Variants in PUM2 observed in about 807,000 individuals in gnomAD.
The protein encoded by PUM2 is pumilio RNA binding family member 2.
In PUM2, 57 loss-of-function variants were observed where a neutral mutation model predicts 124.5. That is an observed-to-expected ratio of 0.46 (90% CI 0.37 to 0.57). The LOEUF (loss-of-function observed/expected upper bound fraction) is 0.57, where lower values mean the gene tolerates loss of function less well. Among genes scored for constraint, PUM2 ranks in the 20% least tolerant of loss-of-function variants. The probability of loss-of-function intolerance (pLI) is 0.00; values close to 1 mark genes in which losing one functional copy is unlikely to be tolerated. For missense variants in PUM2, 1,065 were observed against 1,290.6 expected, an observed-to-expected ratio of 0.83 and a Z score of 2.68; for synonymous variants, 460 against 446.1, an observed-to-expected ratio of 1.03 and a Z score of -0.39.
At position 20,284,594 on chromosome 2, in the gene PUM2, G is replaced by A. The variant is rs907220018; in HGVS notation, c.1292-1108C>T. On this transcript the variant is annotated intron_variant, in intron 10 of 20. Coordinates refer to ENST00000361078, the MANE Select transcript of PUM2 (RefSeq NM_015317.5). ...CCTAGTCTTTAACTCCTGGGCCAGC[G>A]ATCCTCCCGCCTCAGCCTCCCAACT... is the stretch of plus-strand genomic sequence containing the variant. Among the ~76,000 whole-genome samples the A allele has an allele frequency of 5.3e-5, 8 of 152,120 alleles. No homozygotes were observed. The East Asian group carries it at 7.7e-4, about 15-fold the overall frequency.
chr2:20,249,725 G>A lies in PUM2; in HGVS notation c.*1860C>T, dbSNP rs1417294374. Reference sequence around the variant, plus strand: ...CTGACAGAATAGCATGTTCATTTTAGTTTTCAGCACTGAACATAAGTGGGT... The same window carrying A: ...CTGACAGAATAGCATGTTCATTTTAATTTTCAGCACTGAACATAAGTGGGT... On this transcript the variant is annotated 3_prime_UTR_variant, in exon 21 of 21. Coordinates refer to ENST00000361078, the MANE Select transcript of PUM2 (RefSeq NM_015317.5). 2 of 152,588 alleles carry A rather than the reference G, an allele frequency of 1.3e-5. No individual in the cohort carries two copies. The highest frequency in any genetic ancestry group is 2.4e-5 in the African/African-American group (1 of 41,434). The allele number at this position is 152,588 out of a possible 1,614,324, so 9.5% of individuals were successfully genotyped here.
intron 9 of PUM2, among the ~76,000 whole-genome samples, chr2:20,293,835 G>A (rs1432042876): frequency 1.3e-5 from 2 of 152,040 alleles, no homozygotes; most frequent in African/African-American, 4.8e-5. Flanking sequence ...TCAGAATTCT[G>A]TTATTTATTA....
rs976528132 is a variant in PUM2 at position 20,339,651 on chromosome 2, G to A, written c.-19+10946C>T. On this transcript the variant is annotated intron_variant, in intron 1 of 20. Transcript: ENST00000361078. ...GCCCAGCACTTTGGGAGGCCGAGGCGGGTGGACCACCTGAGGTCAGGAGTT... is the reference window on the plus strand; with the variant it reads ...GCCCAGCACTTTGGGAGGCCGAGGCAGGTGGACCACCTGAGGTCAGGAGTT... 3.3e-5 allele frequency among the ~76,000 whole-genome samples: 5 copies of A among 152,128 alleles called. No homozygotes were observed. The East Asian group carries it at 7.7e-4, about 23-fold the overall frequency.
At chr2:20,283,662 A>C (rs1672076315) in intron 10 of PUM2, among the ~76,000 whole-genome samples, 176 bp from the exon 11 acceptor site, 1 of 152,248 alleles carries the variant, frequency 6.6e-6, no homozygotes, top group Admixed American at 6.5e-5. Context: ...TAAATATATG[A>C]AAAAGTAATA....
intron 8 of PUM2, 135 bp from the exon 9 acceptor site, chr2:20,294,653 A>G (rs1369343150): frequency 1.9e-6 from 2 of 1,059,896 alleles, no homozygotes; most frequent in Non-Finnish European, 2.6e-6. Flanking sequence ...AATAAAAGAC[A>G]AAGTATTGAT....
At chr2:20,314,259 G>A (rs1042825333) in intron 3 of PUM2, among the ~76,000 whole-genome samples, 2 of 151,928 alleles carry the variant, frequency 1.3e-5, no homozygotes, top group African/African-American at 4.8e-5. Context: ...CGACTATAAC[G>A]CTATAATCAC....
Position 20,312,334 on chromosome 2 carries a change from G to T in PUM2, c.250C>A (p.Arg84=). ...NSEVNAILSP[R]SESGGLGVSM... Reference sequence around the variant, plus strand: ...ACACCAAGGCCTCCACTTTCTGATCGCGGAGACAGTATTGCATTTACTTCA... The same window carrying T: ...ACACCAAGGCCTCCACTTTCTGATCTCGGAGACAGTATTGCATTTACTTCA... The change falls in exon 4 of 21, where the codon CGA becomes AGA. Residue 84 remains arginine (R), a synonymous_variant. Coordinates refer to ENST00000361078, the MANE Select transcript of PUM2 (RefSeq NM_015317.5). 1 of 1,613,222 alleles carries T rather than the reference G, an allele frequency of 6.2e-7. No homozygotes were observed. The highest frequency in any genetic ancestry group is 8.5e-7 in the Non-Finnish European group (1 of 1,179,354).
intron 7 of PUM2, among the ~76,000 whole-genome samples, chr2:20,301,062 A>G (rs888828074): frequency 6.6e-6 from 1 of 152,224 alleles, no homozygotes; most frequent in Non-Finnish European, 1.5e-5. Context: ...CAGTTGTCCC[A>G]TATTTCCGGA....
At chr2:20,257,487 A>C (rs192508377) in intron 16 of PUM2, among the ~76,000 whole-genome samples, 20 of 152,292 alleles carry the variant, frequency 1.3e-4, no homozygotes, top group African/African-American at 4.6e-4. Flanking sequence ...GTAATACATA[A>C]ATCATGTAGT....
intron 10 of PUM2, among the ~76,000 whole-genome samples, chr2:20,284,931 A>C (rs1378920334): frequency 6.6e-6 from 1 of 152,216 alleles, no homozygotes; most frequent in Non-Finnish European, 1.5e-5. Flanking sequence ...ATTACTAGTA[A>C]ATTTCAAACT....
At chr2:20,325,537 A>G (rs1683457275) in intron 2 of PUM2, among the ~76,000 whole-genome samples, 2 of 152,172 alleles carry the variant, frequency 1.3e-5, no homozygotes, top group South Asian at 4.1e-4. Context: ...GAGTGAAAAA[A>G]CACCAGTTTG....
At chr2:20,256,498 A>C (rs1664792249) in intron 16 of PUM2, among the ~76,000 whole-genome samples, 1 of 152,216 alleles carries the variant, frequency 6.6e-6, no homozygotes, top group Non-Finnish European at 1.5e-5. Flanking sequence ...TTCACTGTGT[A>C]AATCATCCGC....
In PUM2 at chr2:20,311,578, T is replaced by G. The variant is rs764989548; in HGVS notation, c.434A>C (p.Asp145Ala). 6 of 1,613,446 alleles carry G rather than the reference T, an allele frequency of 3.7e-6. No individual in the cohort carries two copies. The African/African-American group carries it at 5.3e-5, about 14-fold the overall frequency. ...ATCATCATCATCTCCTTGTTTAAGA[T>G]CTCTGTTTTGGTCCTCCTCAAATGG... The part of the protein sequence containing the change: ...ASPFEEDQNR[D>A]LKQGDDDDSK... The change falls in exon 5 of 21, where the codon GAT becomes GCT. Residue 145 changes from aspartate to alanine, a missense_variant. Coordinates refer to ENST00000361078, the MANE Select transcript of PUM2 (RefSeq NM_015317.5).
At position 20,281,557 on chromosome 2, in the gene PUM2, T is replaced by A. The variant is rs143141449; in HGVS notation, c.1720+1390A>T. Among the ~76,000 whole-genome samples, 1,164 of 152,316 alleles carry A rather than the reference T, an allele frequency of 7.6e-3. 10 individuals carry two copies. The highest frequency in any genetic ancestry group is 0.027 in the African/African-American group (1,114 of 41,570). ...GTTTGTTTTTTATGTTACTTGTTCT[T>A]CCAGTTTTCCTCAGAATATTTAGGA... On this transcript the variant is annotated intron_variant, in intron 12 of 20. Transcript: ENST00000361078.
intron 1 of PUM2, among the ~76,000 whole-genome samples, chr2:20,335,034 C>G (rs1306018708): frequency 1.3e-5 from 2 of 152,138 alleles, no homozygotes; most frequent in African/African-American, 2.4e-5. Flanking sequence ...TGCATCCTCT[C>G]ACCTCAGTCT....
chr2:20,333,548 C>G (rs1459384501), intron 1 of PUM2, among the ~76,000 whole-genome samples: 3 of 151,824 alleles, frequency 2.0e-5, no homozygotes, highest in African/African-American at 7.3e-5. Flanking sequence ...AAACAAAAGC[C>G]AAAAAATTGA....
Position 20,260,451 on chromosome 2 carries a change from T to C in PUM2, c.2241A>G (p.Lys747=), listed in dbSNP as rs1006539683. The change falls in exon 15 of 21, where the codon AAA becomes AAG. Residue 747 remains lysine, a synonymous_variant. Transcript: ENST00000361078. ...GCTCAGCTGGAGTAGCTCTCTCTAG[T>C]TTTTGCTGTATGAATCTACATAGGG... ...DQHGSRFIQQ[K]LERATPAERQ... is the part of the protein sequence containing the mutation. 6.2e-7 allele frequency: 1 copy of C among 1,608,888 alleles called. No homozygotes were observed.
intron 13 of PUM2, among the ~76,000 whole-genome samples, chr2:20,273,977 A>G (rs1040832305): frequency 2.6e-5 from 4 of 152,204 alleles, no homozygotes; most frequent in South Asian, 2.1e-4. Flanking sequence ...GCTAATTAGA[A>G]TAAGTTATTT....
intron 7 of PUM2, among the ~76,000 whole-genome samples, chr2:20,303,460 G>GA (rs1342958421): frequency 1.1e-4 from 14 of 124,088 alleles, no homozygotes; most frequent in South Asian, 1.0e-3. Flanking sequence ...TTTCAAAAGA[G>GA]AAAAAAAAAC....
Sources: allele counts gnomAD v4.1 joint callset (sites outside exome capture counted in the v4.1 genomes callset), GRCh38; gene constraint gnomAD v4.1.1; transcripts MANE v1.5; gene names NCBI Gene and HGNC (gene_info 2026-07-23, HGNC 2026-07-21).